The following MYO9A variants were observed in gnomAD, a reference collection of about 807,000 sequenced individuals.
MYO9A encodes the protein unconventional myosin-IXa.
MYO9A carries 103 observed loss-of-function variants against 293.3 expected under a neutral mutation model. The ratio of observed to expected loss-of-function variants is 0.35; its 90% CI spans 0.30 to 0.41. The LOEUF is 0.41. Ranked by LOEUF, MYO9A falls within the 10% of genes least tolerant of loss-of-function variation. The pLI, the probability that MYO9A is intolerant of heterozygous loss-of-function variation, is 1.00. For synonymous variants in MYO9A, 1,001 were observed against 1,035.7 expected (o/e 0.97, Z 0.64); for missense variants, 2,685 against 3,033.0 (o/e 0.89, Z 2.69).
At chr15:71,992,147 A>G (rs577399396) in intron 10 of MYO9A, among the ~76,000 whole-genome samples, 1 of 152,350 alleles carries the variant, frequency 6.6e-6, no homozygotes. Context: ...ATTACAACAA[A>G]AGACAGCAAT....
chr15:71,876,304 C>T (rs923836201), intron 31 of MYO9A, among the ~76,000 whole-genome samples: 1 of 151,716 alleles, frequency 6.6e-6, no homozygotes, highest in African/African-American at 2.4e-5. Flanking sequence ...CACACCACCA[C>T]ATCTGGCTAT....
At chr15:72,023,519 C>T (rs1596402006) in intron 4 of MYO9A, among the ~76,000 whole-genome samples, 1 of 151,844 alleles carries the variant, frequency 6.6e-6, no homozygotes, top group South Asian at 2.1e-4. Flanking sequence ...ATGGTGAAAC[C>T]CCGTCTCTAC....
intron 19 of MYO9A, among the ~76,000 whole-genome samples, chr15:71,906,422 T>C (rs1208161846): frequency 6.6e-6 from 1 of 152,194 alleles, no homozygotes; most frequent in African/African-American, 2.4e-5. Context: ...TTTCCAAGCA[T>C]AACTGCAGAT....
At chr15:72,062,966 G>A (rs2078916192) in intron 1 of MYO9A, among the ~76,000 whole-genome samples, 1 of 152,218 alleles carries the variant, frequency 6.6e-6, no homozygotes, top group African/African-American at 2.4e-5. Context: ...AGGCTGCAAT[G>A]AGCCGTGATC....
chr15:72,015,473 A>T lies in MYO9A; in HGVS notation c.1155+3566T>A, dbSNP rs146763776. On this transcript the variant is annotated intron_variant, in intron 6 of 41. Coordinates refer to ENST00000356056, the MANE Select transcript of MYO9A (RefSeq NM_006901.4). ...ATGTTTGGATTCCTGTAAAGGTAGTAGTGACCAAAGTTGGAGCTTTGTCTC... is the reference window on the plus strand; with the variant it reads ...ATGTTTGGATTCCTGTAAAGGTAGTTGTGACCAAAGTTGGAGCTTTGTCTC... Among the ~76,000 whole-genome samples, 984 of 152,318 alleles carry T rather than the reference A, an allele frequency of 6.5e-3. 13 individuals are homozygous for T. Among genetic ancestry groups the T allele is most frequent in the African/African-American group, 0.021 (877 of 41,558 alleles).
At chr15:71,891,443 T>C (rs2057174733) in intron 26 of MYO9A, 1 of 152,214 alleles carries the variant, frequency 6.6e-6, no homozygotes, top group South Asian at 2.1e-4. Flanking sequence ...TGCCAAAGTT[T>C]TTCTGCAAAC....
Position 71,893,790 on chromosome 15 carries a change from A to G in MYO9A, c.5043-12T>C. ...CTTCTTTGCTGACACTTTAAATAAA[A>G]CAATGAAATTACATTTCAGTTCTTA... On this transcript the variant is annotated splice_polypyrimidine_tract_variant and intron_variant, in intron 25 of 41. Coordinates refer to ENST00000356056, the MANE Select transcript of MYO9A (RefSeq NM_006901.4). 6.2e-7 allele frequency: 1 copy of G among 1,602,370 alleles called. No individual in the cohort carries two copies. Among genetic ancestry groups the G allele is most frequent in the Non-Finnish European group, 8.5e-7 (1 of 1,169,904 alleles).
At chr15:71,967,477 TA>T (rs2075906705) in intron 13 of MYO9A, among the ~76,000 whole-genome samples, 1 of 152,188 alleles carries the variant, frequency 6.6e-6, no homozygotes, top group Non-Finnish European at 1.5e-5. Context: ...CCTGGGAAAT[TA>T]AATGCCTGAA....
At chr15:72,106,926 A>T (rs1567048195) in intron 1 of MYO9A, among the ~76,000 whole-genome samples, 1 of 152,266 alleles carries the variant, frequency 6.6e-6, no homozygotes, top group Non-Finnish European at 1.5e-5. Context: ...GATACAGTCT[A>T]AGGACAAAAA....
chr15:72,103,093 G>A (rs1412761548), intron 1 of MYO9A, among the ~76,000 whole-genome samples: 3 of 147,158 alleles, frequency 2.0e-5, no homozygotes, highest in Admixed American at 6.7e-5. Flanking sequence ...GATTCTCCTC[G>A]GCTGAGGAAG....
chr15:71,973,131 CCTCCAAGGACAGAATTGT>C (rs2147537346), intron 12 of MYO9A, among the ~76,000 whole-genome samples: 1 of 152,188 alleles, frequency 6.6e-6, no homozygotes, highest in Non-Finnish European at 1.5e-5. Flanking sequence ...TCAAAGCCAC[CCTCCAAGGACAGAATTGT>C]GCAGGGGCAA....
At chr15:71,990,352 T>G (rs2076509215) in intron 11 of MYO9A, among the ~76,000 whole-genome samples, 1 of 152,062 alleles carries the variant, frequency 6.6e-6, no homozygotes, top group Non-Finnish European at 1.5e-5. Flanking sequence ...CCCAAAATGC[T>G]GGGATTGTCA....
In MYO9A at chr15:72,107,798, C is replaced by CAAA. The variant is rs61497465; in HGVS notation, c.-72+9879_-72+9881dup. Among the ~76,000 whole-genome samples, 520 of 142,904 alleles carry CAAA rather than the reference C, an allele frequency of 3.6e-3. 7 individuals carry two copies. The highest frequency in any genetic ancestry group is 0.028 in the Middle Eastern group (8 of 282). 93.8% of individuals were successfully genotyped at this position (142,904 alleles called of 152,430 possible). A position where few individuals can be genotyped will look rare whatever the true frequency, so the allele number is the denominator to read the frequency against. ...TCCTTATTTGAGACAATTTGAGCAT[C>CAAA]AAAAAAAAAAAAACGTCTGCAAATG... is the stretch of plus-strand genomic sequence containing the variant. On this transcript the variant is annotated intron_variant, in intron 1 of 41. Coordinates refer to ENST00000356056, the MANE Select transcript of MYO9A (RefSeq NM_006901.4).
At chr15:71,896,547 A>G (rs919621009) in intron 25 of MYO9A, among the ~76,000 whole-genome samples, 3 of 152,136 alleles carry the variant, frequency 2.0e-5, no homozygotes, top group Admixed American at 2.0e-4. Context: ...TGGGGGGCAG[A>G]GGCAGGTGGA....
chr15:72,001,572 A>C (rs1204654406), intron 8 of MYO9A, among the ~76,000 whole-genome samples: 1 of 151,430 alleles, frequency 6.6e-6, no homozygotes, highest in African/African-American at 2.4e-5. Context: ...AAAAAAAAAA[A>C]ATAGATTATA....
At chr15:71,949,111 A>G (rs1211926438) in intron 15 of MYO9A, among the ~76,000 whole-genome samples, 1 of 152,036 alleles carries the variant, frequency 6.6e-6, no homozygotes, top group African/African-American at 2.4e-5. Context: ...TATCTTTGAC[A>G]TTTTAGCAGT....
intron 1 of MYO9A, among the ~76,000 whole-genome samples, chr15:72,052,163 G>A (rs2929507): frequency 2.1e-3 from 324 of 152,314 alleles, no homozygotes; most frequent in African/African-American, 7.6e-3. Flanking sequence ...ACAACCAGCT[G>A]CAGGGAGAAG....
rs144917880 is a variant in MYO9A, at chr15:72,068,849, A to G, written c.-71-22215T>C. Among the ~76,000 whole-genome samples, 1,035 of 152,296 alleles carry G rather than the reference A, an allele frequency of 6.8e-3. 7 individuals carry two copies. The highest frequency in any genetic ancestry group is 0.011 in the Non-Finnish European group (751 of 68,026). ...CCATGGCAATAATTAATGATAATGA[A>G]TAACTGCATCAAACACTCATACAGC... On this transcript the variant is annotated intron_variant, in intron 1 of 41. Transcript: ENST00000356056.
intron 1 of MYO9A, among the ~76,000 whole-genome samples, chr15:72,082,757 A>T (rs1236838401): frequency 6.6e-6 from 1 of 151,762 alleles, no homozygotes; most frequent in Non-Finnish European, 1.5e-5. Context: ...GAATTTTATC[A>T]AAATTCTTTT....
Sources: allele counts gnomAD v4.1 joint callset (sites outside exome capture counted in the v4.1 genomes callset), GRCh38; gene constraint gnomAD v4.1.1; transcripts MANE v1.5; gene names NCBI Gene and HGNC (gene_info 2026-07-23, HGNC 2026-07-21).